Variants in LSM12 observed in about 807,000 individuals in gnomAD.
The protein encoded by LSM12 is LSM12 homolog.
For synonymous variants in LSM12, 74 were observed against 87.3 expected, an observed-to-expected ratio of 0.85 and a Z score of 0.85; for missense variants, 108 against 238.9, an observed-to-expected ratio of 0.45 and a Z score of 3.61.
chr17:44,047,298 G>A (rs2049581745), intron 2 of LSM12, among the ~76,000 whole-genome samples: 1 of 152,102 alleles, frequency 6.6e-6, no homozygotes, highest in South Asian at 2.1e-4. Flanking sequence ...CCAGACTGGA[G>A]TGCAGTGGCA....
intron 2 of LSM12, among the ~76,000 whole-genome samples, chr17:44,040,659 T>C (rs540607644): frequency 4.0e-5 from 6 of 151,796 alleles, no homozygotes; most frequent in Non-Finnish European, 8.8e-5. Context: ...TGATGGCAAA[T>C]GATGGTCAGA....
intron 2 of LSM12, among the ~76,000 whole-genome samples, chr17:44,060,427 TC>T (rs1304087668): frequency 8.5e-5 from 13 of 152,250 alleles, no homozygotes; most frequent in Admixed American, 2.6e-4. Flanking sequence ...TCTCTCTAAT[TC>T]TAAGTCAATC....
intron 2 of LSM12, among the ~76,000 whole-genome samples, chr17:44,046,022 C>G (rs1319737864): frequency 6.7e-6 from 1 of 150,232 alleles, no homozygotes; most frequent in East Asian, 2.0e-4. Context: ...CTGCAAGCTC[C>G]GCCTCCTGGG....
intron 2 of LSM12, among the ~76,000 whole-genome samples, chr17:44,053,149 G>A (rs1356757955): frequency 1.3e-5 from 2 of 152,040 alleles, no homozygotes; most frequent in African/African-American, 2.4e-5. Flanking sequence ...CATCTGAAGT[G>A]TCTTCCCTAA....
intron 2 of LSM12, among the ~76,000 whole-genome samples, chr17:44,046,601 G>A (rs1050608530): frequency 6.7e-6 from 1 of 150,132 alleles, no homozygotes; most frequent in African/African-American, 2.4e-5. Context: ...TAGCTACTCG[G>A]GAGGCTGAGG....
intron 2 of LSM12, among the ~76,000 whole-genome samples, chr17:44,062,195 C>T (rs976416909): frequency 7.5e-6 from 1 of 132,552 alleles, no homozygotes. Context: ...GCACTCCAGC[C>T]TGGGCGACAA....
chr17:44,040,894 G>T (rs976497367), intron 2 of LSM12, among the ~76,000 whole-genome samples: 2 of 151,462 alleles, frequency 1.3e-5, no homozygotes, highest in Non-Finnish European at 2.9e-5. Context: ...CTGAGGCAGA[G>T]AATTGCTTGA....
chr17:44,044,311 G>A lies in LSM12; in HGVS notation c.259-4055C>T, dbSNP rs796340351. Among the ~76,000 whole-genome samples, 12 of 152,208 alleles carry A rather than the reference G, an allele frequency of 7.9e-5. 2 individuals are homozygous for A. Among genetic ancestry groups the A allele is most frequent in the African/African-American group, 2.9e-4 (12 of 41,508 alleles). On this transcript the variant is annotated intron_variant, in intron 2 of 4. Coordinates refer to ENST00000293406, the MANE Select transcript of LSM12 (RefSeq NM_001371445.1). ...ACAGGCTGAGTAACAATGACACACT[G>A]GTTATAGAACAATGATTTCAAAATA...
chr17:44,063,415 T>G (rs2049825434), intron 2 of LSM12, among the ~76,000 whole-genome samples: 1 of 151,936 alleles, frequency 6.6e-6, no homozygotes, highest in Non-Finnish European at 1.5e-5. Flanking sequence ...GAAAAACACT[T>G]TAGATCTTCA....
At chr17:44,055,316 G>A (rs1416571023) in intron 2 of LSM12, among the ~76,000 whole-genome samples, 3 of 151,810 alleles carry the variant, frequency 2.0e-5, no homozygotes, top group African/African-American at 7.3e-5. Context: ...AGGCTGGCCA[G>A]GCCATCTCTG....
At chr17:44,052,720 T>C (rs1344131574) in intron 2 of LSM12, among the ~76,000 whole-genome samples, 3 of 151,774 alleles carry the variant, frequency 2.0e-5, no homozygotes, top group South Asian at 2.1e-4. Flanking sequence ...GACCGTGCCA[T>C]TGAACTCCAG....
upstream of LSM12, among the ~76,000 whole-genome samples, chr17:44,067,189 A>G (rs2049891559): frequency 6.6e-6 from 1 of 152,224 alleles, no homozygotes; most frequent in Non-Finnish European, 1.5e-5. Flanking sequence ...AATCCCAGCT[A>G]CTAGGGGGAC....
upstream of LSM12, chr17:44,066,741 G>T: frequency 1.0e-6 from 1 of 960,414 alleles, no homozygotes; most frequent in Non-Finnish European, 1.3e-6. Flanking sequence ...ATCCTAGGTG[G>T]AGTGGGAAAG....
Position 44,066,575 on chromosome 17 carries a change from G to C in LSM12, c.13C>G (p.Pro5Ala). 1 of 1,464,346 alleles carries C rather than the reference G, an allele frequency of 6.8e-7. No homozygotes were observed. Among genetic ancestry groups the C allele is most frequent in the Non-Finnish European group, 9.1e-7 (1 of 1,103,572 alleles). The allele number at this position is 1,464,346 out of a possible 1,614,324, so 90.7% of individuals were successfully genotyped here. ...CTCCCAACGCTGAAGTACTCGCCCG[G>C]AGGAGCCGCCATCTTGGGAGTGCAG... MAAP[P>A]GEYFSVGSQV... is the part of the protein sequence containing the mutation. Residue 5 changes from proline to alanine, a missense_variant, in exon 1 of 5, where the codon CCG becomes GCG. Transcript: ENST00000293406.
At chr17:44,053,016 A>C (rs1052743429) in intron 2 of LSM12, among the ~76,000 whole-genome samples, 4 of 152,160 alleles carry the variant, frequency 2.6e-5, no homozygotes, top group African/African-American at 9.7e-5. Context: ...ACAGAAAAGC[A>C]TCAAGTTCTA....
In LSM12 at chr17:44,051,389, CAAAAAAAAAAAA is replaced by C. The variant is rs57974319; in HGVS notation, c.259-11145_259-11134del. ...CTGGCGACAGAGCGAGACTCCGTCT[CAAAAAAAAAAAA>C]AAAAAAAAAAAAAAATTAGCTGGGT... On this transcript the variant is annotated intron_variant, in intron 2 of 4. Transcript: ENST00000293406. 3.5e-3 allele frequency among the ~76,000 whole-genome samples: 399 copies of C among 114,938 alleles called. 1 individual carries two copies. The highest frequency in any genetic ancestry group is 0.011 in the African/African-American group (283 of 24,668). 75.4% of individuals were successfully genotyped at this position (114,938 alleles called of 152,430 possible).
At chr17:44,045,106 C>T (rs1210525491) in intron 2 of LSM12, among the ~76,000 whole-genome samples, 1 of 152,182 alleles carries the variant, frequency 6.6e-6, no homozygotes, top group Non-Finnish European at 1.5e-5. Context: ...CAGCTCACTG[C>T]AACCTCCGCC....
intron 2 of LSM12, 134 bp downstream of exon 2, chr17:44,063,667 T>A (rs1012174356): frequency 1.4e-5 from 15 of 1,068,950 alleles, no homozygotes; most frequent in Non-Finnish European, 6.3e-6. Flanking sequence ...CTACATTTTT[T>A]AAAAAGATAT....
chr17:44,041,333 A>AC (rs1567955918), intron 2 of LSM12, among the ~76,000 whole-genome samples: 3,187 of 127,060 alleles, frequency 0.025, 38 homozygotes, highest in South Asian at 0.037. Context: ...ACACACACAC[A>AC]AACACACACA....
Sources: gnomAD v4.1 joint callset for allele counts (sites outside exome capture counted in the v4.1 genomes callset) on GRCh38, gnomAD v4.1.1 for gene constraint, MANE v1.5 for transcripts, NCBI Gene and HGNC (gene_info 2026-07-23, HGNC 2026-07-21) for gene names.